NRG2: variants seen among roughly 807,000 people sequenced by gnomAD.
NRG2 encodes pro-neuregulin-2, membrane-bound isoform.
NRG2 carries 27 observed loss-of-function variants against 73.9 expected under a neutral mutation model. The observed-to-expected ratio is 0.37, with a 90% confidence interval of 0.27 to 0.50. The LOEUF (loss-of-function observed/expected upper bound fraction) is 0.50. Among genes scored for constraint, NRG2 ranks in the 20% least tolerant of loss-of-function variants. NRG2 has a pLI of 0.96. For synonymous variants in NRG2, 532 were observed against 541.0 expected (o/e 0.98, Z 0.23); for missense variants, 1,126 against 1,210.1 (o/e 0.93, Z 1.03).
chr5:139,902,437 G>A (rs1268970504), intron 1 of NRG2, among the ~76,000 whole-genome samples: 1 of 152,220 alleles, frequency 6.6e-6, no homozygotes, highest in East Asian at 1.9e-4. Flanking sequence ...GTGTGGTCAA[G>A]GACCAGGGGG....
At chr5:140,035,858 C>G (rs867392227) in intron 1 of NRG2, among the ~76,000 whole-genome samples, 1 of 152,074 alleles carries the variant, frequency 6.6e-6, no homozygotes, top group African/African-American at 2.4e-5. Flanking sequence ...TAAACAGAAC[C>G]ACTGTGGATT....
At chr5:140,036,377 T>G (rs1761506891) in intron 1 of NRG2, among the ~76,000 whole-genome samples, 1 of 152,230 alleles carries the variant, frequency 6.6e-6, no homozygotes, top group Non-Finnish European at 1.5e-5. Context: ...GAATGTCCTT[T>G]CATGTCATCC....
In NRG2 at chr5:139,894,615, T is replaced by C. The variant is rs1432047510; in HGVS notation, c.701-7104A>G. On this transcript the variant is annotated intron_variant, in intron 1 of 9. Transcript: ENST00000361474. This position sits in a 1 kb window ranked among gnomAD's most constrained non-coding sequence, Gnocchi z 5.0. The stretch of plus-strand genomic sequence containing the variant: ...GTATGCCCAGCTGGGCTGCTTAGCT[T>C]TCCCTGAGCCACATTTCCTCAGTCA... Among the ~76,000 whole-genome samples, 3 of 152,086 alleles carry C rather than the reference T, an allele frequency of 2.0e-5. No homozygotes were observed. Among genetic ancestry groups the C allele is most frequent in the African/African-American group, 7.2e-5 (3 of 41,430 alleles).
intron 1 of NRG2, among the ~76,000 whole-genome samples, chr5:140,011,562 C>A (rs1759369805): frequency 6.6e-6 from 1 of 152,164 alleles, no homozygotes; most frequent in South Asian, 2.1e-4. Flanking sequence ...TGAGAGAAGT[C>A]AGCTGCCATA....
chr5:139,855,010 C>T (rs555281568), intron 6 of NRG2, among the ~76,000 whole-genome samples: 45 of 152,276 alleles, frequency 3.0e-4, no homozygotes, highest in Admixed American at 7.2e-4. Flanking sequence ...TACAGTTGAC[C>T]CTCATCTGTG....
At position 139,847,748 on chromosome 5, in the gene NRG2, T is replaced by C. The variant is rs1761084089; in HGVS notation, c.*169A>G. ...ACGCCTTTGCCGTTAGCTAGTATTA[T>C]AAGACAATTTTTGCTAAAATGAAAA... is the stretch of plus-strand genomic sequence containing the variant. On this transcript the variant is annotated 3_prime_UTR_variant, in exon 10 of 10. Transcript: ENST00000361474. 1 of 477,446 alleles carries C rather than the reference T, an allele frequency of 2.1e-6. No homozygotes were observed. The highest frequency in any genetic ancestry group is 3.4e-6 in the Non-Finnish European group (1 of 296,498). The allele number at this position is 477,446 out of a possible 1,614,324, so 29.6% of individuals were successfully genotyped here.
chr5:139,924,193 G>C (rs527291733), intron 1 of NRG2, among the ~76,000 whole-genome samples: 1 of 152,182 alleles, frequency 6.6e-6, no homozygotes, highest in Non-Finnish European at 1.5e-5. Flanking sequence ...ATCCTAGATG[G>C]GGGAGAGCCC....
chr5:139,948,729 A>C (rs1753977347), intron 1 of NRG2, among the ~76,000 whole-genome samples: 1 of 152,228 alleles, frequency 6.6e-6, no homozygotes, highest in South Asian at 2.1e-4. Context: ...TTCTGACTGC[A>C]GCACACAAAA....
intron 1 of NRG2, among the ~76,000 whole-genome samples, chr5:140,015,967 T>C (rs948341059): frequency 6.6e-6 from 1 of 152,198 alleles, no homozygotes; most frequent in African/African-American, 2.4e-5. Flanking sequence ...GCGCCACATC[T>C]CAATAGGTAT....
intron 1 of NRG2, among the ~76,000 whole-genome samples, chr5:140,003,971 T>A (rs1014641359): frequency 6.6e-6 from 1 of 152,228 alleles, no homozygotes; most frequent in Non-Finnish European, 1.5e-5. Context: ...CCATTATCTC[T>A]TGCCTAGTTG....
chr5:139,940,464 A>G (rs1226636025), intron 1 of NRG2, among the ~76,000 whole-genome samples: 1 of 152,202 alleles, frequency 6.6e-6, no homozygotes, highest in Non-Finnish European at 1.5e-5. Context: ...GATTGTAGTG[A>G]TGTTTACCTG....
intron 1 of NRG2, among the ~76,000 whole-genome samples, chr5:139,910,059 A>G (rs1765479596): frequency 6.6e-6 from 1 of 152,230 alleles, no homozygotes; most frequent in South Asian, 2.1e-4. Context: ...AAAAAGGGCA[A>G]GCTTGGATAC....
intron 9 of NRG2, among the ~76,000 whole-genome samples, chr5:139,850,051 A>T (rs1761309470): frequency 6.6e-6 from 1 of 152,134 alleles, no homozygotes; most frequent in Non-Finnish European, 1.5e-5. Context: ...CCTCTGTTGG[A>T]ACAGCTCAAG....
rs34122778 is a variant in NRG2 at position 140,029,687 on chromosome 5, C to CAAAAAAAAAAAAAAAAAAAA, written c.700+12682_700+12683insTTTTTTTTTTTTTTTTTTTT. On this transcript the variant is annotated intron_variant, in intron 1 of 9. Coordinates refer to ENST00000361474, the MANE Select transcript of NRG2 (RefSeq NM_004883.3). ...TGGGTGACAGAGCAAGACTCTGTCT[C>CAAAAAAAAAAAAAAAAAAAA]AAAAAAAAAAAAAAAAGCTCCAGCG... 9.1e-4 allele frequency among the ~76,000 whole-genome samples: 56 copies of CAAAAAAAAAAAAAAAAAAAA among 61,284 alleles called. 4 individuals are homozygous for CAAAAAAAAAAAAAAAAAAAA. The highest frequency in any genetic ancestry group is 1.1e-3 in the Non-Finnish European group (31 of 27,944). The allele number at this position is 61,284 out of a possible 152,430, so 40.2% of individuals were successfully genotyped here. A position where few individuals can be genotyped will look rare whatever the true frequency, so the allele number is the denominator to read the frequency against.
chr5:139,904,226 C>G lies in NRG2; in HGVS notation c.701-16715G>C. The G allele has an allele frequency of 6.8e-7, 1 of 1,471,032 alleles. No individual in the cohort carries two copies. Among genetic ancestry groups the G allele is most frequent in the Non-Finnish European group, 9.1e-7 (1 of 1,104,024 alleles). 91.1% of individuals were successfully genotyped at this position (1,471,032 alleles called of 1,614,324 possible). On this transcript the variant is annotated intron_variant, in intron 1 of 9. Coordinates refer to ENST00000361474, the MANE Select transcript of NRG2 (RefSeq NM_004883.3). The surrounding 1 kb of genome is among the most constrained non-coding windows in gnomAD (Gnocchi z 6.0). Reference sequence around the variant, plus strand: ...GCCGCTAGCGCAGCCTAGACTCACCCGCGCTGCGCTGGGGGCGGGTGAGCG... The same window carrying G: ...GCCGCTAGCGCAGCCTAGACTCACCGGCGCTGCGCTGGGGGCGGGTGAGCG...
intron 1 of NRG2, among the ~76,000 whole-genome samples, chr5:139,959,160 C>G (rs1008000342): frequency 6.6e-6 from 1 of 151,984 alleles, no homozygotes; most frequent in Admixed American, 6.6e-5. Context: ...GGCCTTGAGA[C>G]AGAGAATAAG....
In NRG2 at chr5:139,990,074, C is replaced by T. The variant is rs185748893; in HGVS notation, c.700+52296G>A. 2.8e-3 allele frequency among the ~76,000 whole-genome samples: 423 copies of T among 152,002 alleles called. 1 individual carries two copies. Among genetic ancestry groups the T allele is most frequent in the Admixed American group, 4.6e-3 (70 of 15,280 alleles). ...AAGTGCTGGGATTACAGGCGTGAGC[C>T]ACTGTGCCTGGCCTTATTATTATTA... On this transcript the variant is annotated intron_variant, in intron 1 of 9. Transcript: ENST00000361474.
At position 139,894,320 on chromosome 5, in the gene NRG2, C is replaced by G. The variant is rs975734463; in HGVS notation, c.701-6809G>C. On this transcript the variant is annotated intron_variant, in intron 1 of 9. Transcript: ENST00000361474. The surrounding 1 kb of genome is among the most constrained non-coding windows in gnomAD (Gnocchi z 5.0). ...CAACACCTGGAGACAATGTGGCCAG[C>G]CTGCCTGGCATCAAAGTTTCCCACT... Among the ~76,000 whole-genome samples the G allele has an allele frequency of 3.3e-5, 5 of 152,170 alleles. No homozygotes were observed. The highest frequency in any genetic ancestry group is 7.2e-5 in the African/African-American group (3 of 41,440).
chr5:139,908,309 AAGG>A (rs900111751), intron 1 of NRG2, among the ~76,000 whole-genome samples: 2 of 152,206 alleles, frequency 1.3e-5, no homozygotes, highest in African/African-American at 4.8e-5. Context: ...GATGGATGGG[AAGG>A]AGAAGATAGT....
Sources: gnomAD v4.1 joint callset for allele counts (sites outside exome capture counted in the v4.1 genomes callset) on GRCh38, gnomAD v4.1.1 for gene constraint, Gnocchi (gnomAD v3.1) non-coding constraint, MANE v1.5 for transcripts, NCBI Gene and HGNC (gene_info 2026-07-23, HGNC 2026-07-21) for gene names.